Variants in EIPR1 observed in about 807,000 individuals in gnomAD.
EIPR1 encodes EARP and GARP complex-interacting protein 1.
In EIPR1, 25 loss-of-function variants were observed where a neutral mutation model predicts 48.1. The observed-to-expected ratio is 0.52, with a 90% CI of 0.38 to 0.73. The LOEUF is 0.73. EIPR1 is among the 30% of genes least tolerant of loss of function. EIPR1 has a pLI of 0.00. For missense variants in EIPR1, 415 were observed against 506.2 expected (o/e 0.82, Z 1.73); for synonymous variants, 204 against 201.9 (o/e 1.01, Z -0.09).
At chr2:3,289,299 A>C (rs1668297744) in intron 3 of EIPR1, among the ~76,000 whole-genome samples, 1 of 152,116 alleles carries the variant, frequency 6.6e-6, no homozygotes, top group African/African-American at 2.4e-5. Flanking sequence ...TAAAACAAAG[A>C]ACGCCGAGCT....
intron 4 of EIPR1, among the ~76,000 whole-genome samples, chr2:3,228,852 T>C (rs1028839550): frequency 1.3e-5 from 2 of 152,192 alleles, no homozygotes; most frequent in African/African-American, 2.4e-5. Context: ...CTGCTTCTTC[T>C]TTGCGTTCCA....
intron 4 of EIPR1, among the ~76,000 whole-genome samples, chr2:3,222,907 G>A (rs1229661845): frequency 6.6e-6 from 1 of 152,216 alleles, no homozygotes; most frequent in Non-Finnish European, 1.5e-5. Flanking sequence ...CATGTTTGCA[G>A]AGTAGTGACG....
Position 3,353,308 on chromosome 2 carries a change from C to T in EIPR1, c.126+1242G>A, listed in dbSNP as rs765727986. 5.7e-5 allele frequency: 27 copies of T among 471,076 alleles called. 1 individual carries two copies. The highest frequency in any genetic ancestry group is 4.2e-4 in the South Asian group (27 of 64,542). 29.2% of individuals were successfully genotyped at this position (471,076 alleles called of 1,614,324 possible). ...ATTTTTAGTCCTTTTTGGCCTATTT[C>T]CTTCCAGTCTTTATTCTAAGAAGAG... On this transcript the variant is annotated intron_variant, in intron 2 of 8. Transcript: ENST00000382125.
At chr2:3,206,778 A>T (rs956393176) in intron 5 of EIPR1, among the ~76,000 whole-genome samples, 11 of 152,170 alleles carry the variant, frequency 7.2e-5, no homozygotes, top group Non-Finnish European at 1.5e-4. Flanking sequence ...AGACTATAAG[A>T]AATATTTCTG....
intron 3 of EIPR1, among the ~76,000 whole-genome samples, chr2:3,271,045 G>A (rs768254603): frequency 2.0e-5 from 3 of 152,180 alleles, no homozygotes; most frequent in Non-Finnish European, 4.4e-5. Flanking sequence ...TTCACCAGGA[G>A]TAGATTCCAT....
chr2:3,202,180 G>A (rs558397446), intron 5 of EIPR1, among the ~76,000 whole-genome samples: 139 of 152,208 alleles, frequency 9.1e-4, no homozygotes, highest in Admixed American at 2.0e-3. Flanking sequence ...CTTGTGATCC[G>A]TCCGCCTCGG....
At chr2:3,308,514 A>C (rs1191463717) in intron 3 of EIPR1, among the ~76,000 whole-genome samples, 2 of 152,238 alleles carry the variant, frequency 1.3e-5, no homozygotes, top group Admixed American at 6.5e-5. Flanking sequence ...GACGGAAAAA[A>C]AAATGAACAG....
chr2:3,326,858 G>A (rs1026877565), intron 3 of EIPR1, among the ~76,000 whole-genome samples: 11 of 152,196 alleles, frequency 7.2e-5, no homozygotes, highest in African/African-American at 2.2e-4. Flanking sequence ...CAAATTAGTC[G>A]ATTCAGTCTG....
rs949750557 is a variant in EIPR1, at chr2:3,345,836, T to G, written c.127-7687A>C. 3.3e-5 allele frequency among the ~76,000 whole-genome samples: 5 copies of G among 152,096 alleles called. No homozygotes were observed. In the East Asian group the frequency reaches 7.7e-4, roughly 24 times the overall value. On this transcript the variant is annotated intron_variant, in intron 2 of 8. Coordinates refer to ENST00000382125, the MANE Select transcript of EIPR1 (RefSeq NM_003310.5). ...CCGGGGCACCACGCTTATCTTTCCC[T>G]AGATCTAGCTTGGTGCACACAGAAG...
chr2:3,368,482 G>A (rs373231395), intron 1 of EIPR1, among the ~76,000 whole-genome samples: 4 of 152,112 alleles, frequency 2.6e-5, no homozygotes, highest in Admixed American at 1.3e-4. Context: ...CCTGCTTGCC[G>A]CTGGTCCATC....
chr2:3,260,369 T>C (rs1273259905), intron 3 of EIPR1, among the ~76,000 whole-genome samples: 1 of 152,028 alleles, frequency 6.6e-6, no homozygotes, highest in African/African-American at 2.4e-5. Flanking sequence ...TGGGCGCCTA[T>C]AATCCCAGCT....
At chr2:3,366,144 C>T (rs575753570) in intron 1 of EIPR1, among the ~76,000 whole-genome samples, 9 of 152,096 alleles carry the variant, frequency 5.9e-5, no homozygotes, top group East Asian at 3.9e-4. Flanking sequence ...CCTGTCTCTA[C>T]GAAAAATACA....
intron 3 of EIPR1, among the ~76,000 whole-genome samples, chr2:3,311,844 G>A (rs564157540): frequency 5.9e-5 from 9 of 152,244 alleles, no homozygotes; most frequent in African/African-American, 2.2e-4. Flanking sequence ...AGAGGTGGGA[G>A]GGGAGCTCCA....
chr2:3,214,062 AT>A (rs1665544501), intron 5 of EIPR1, 86 bp downstream of exon 5: 1 of 1,262,070 alleles, frequency 7.9e-7, no homozygotes, highest in Admixed American at 1.8e-5. Flanking sequence ...AAGTGATCTC[AT>A]TGTTCAATTC....
chr2:3,274,433 C>G (rs1359338449), intron 3 of EIPR1: 6 of 1,549,640 alleles, frequency 3.9e-6, no homozygotes. Flanking sequence ...GAAAAAAAGT[C>G]AGGGCAGAAC....
At chr2:3,228,824 A>T (rs1299918889) in intron 4 of EIPR1, among the ~76,000 whole-genome samples, 1 of 151,940 alleles carries the variant, frequency 6.6e-6, no homozygotes, top group Non-Finnish European at 1.5e-5. Flanking sequence ...CCATCCTGCC[A>T]CTCTGTGAAG....
At chr2:3,296,625 A>C (rs1668608704) in intron 3 of EIPR1, among the ~76,000 whole-genome samples, 1 of 121,746 alleles carries the variant, frequency 8.2e-6, no homozygotes, top group East Asian at 2.6e-4. Context: ...CATCCTCTCT[A>C]CACACATACA....
At chr2:3,361,818 G>A (rs112209915) in intron 1 of EIPR1, among the ~76,000 whole-genome samples, 4 of 145,364 alleles carry the variant, frequency 2.8e-5, no homozygotes, top group African/African-American at 5.1e-5. Flanking sequence ...TCCCTCACAC[G>A]GGCACCTCCA....
intron 2 of EIPR1, among the ~76,000 whole-genome samples, chr2:3,348,709 AG>A (rs1670477063): frequency 6.6e-6 from 1 of 152,238 alleles, no homozygotes. Flanking sequence ...GTAACGATGC[AG>A]GTACCGGGCA....
Sources: allele counts gnomAD v4.1 joint callset (sites outside exome capture counted in the v4.1 genomes callset), GRCh38; gene constraint gnomAD v4.1.1; transcripts MANE v1.5; gene names NCBI Gene and HGNC (gene_info 2026-07-23, HGNC 2026-07-21).